Variants in ZNF225 observed in about 807,000 individuals in gnomAD.
ZNF225 encodes the protein zinc finger protein 225.
A neutral mutation model predicts 12.0 loss-of-function variants in ZNF225; 6 were observed. The ratio of observed to expected loss-of-function variants is 0.50; its 90% CI spans 0.27 to 0.98. The LOEUF (loss-of-function observed/expected upper bound fraction) is 0.98. Ranked by LOEUF, ZNF225 falls within the 50% of genes least tolerant of loss-of-function variation. The probability of loss-of-function intolerance (pLI) is 0.11; values close to 1 mark genes in which losing one functional copy is unlikely to be tolerated. For synonymous variants in ZNF225, 271 were observed against 283.2 expected (o/e 0.96, Z 0.43); for missense variants, 763 against 848.2 (o/e 0.90, Z 1.25).
intron 3 of ZNF225, 44 bp downstream of exon 3, chr19:44,118,358 T>C (rs1967986078): frequency 1.9e-6 from 3 of 1,609,152 alleles, no homozygotes; most frequent in African/African-American, 1.3e-5. Flanking sequence ...GGACCAGGAG[T>C]GGCTTTGTAT....
At chr19:44,126,873 G>A (rs190542638) in intron 4 of ZNF225, among the ~76,000 whole-genome samples, 83 of 152,260 alleles carry the variant, frequency 5.5e-4, no homozygotes, top group Non-Finnish European at 9.7e-4. Context: ...CCAAAGGGCC[G>A]GTCTCACTCC....
intron 1 of ZNF225, 158 bp from the exon 2 acceptor site, chr19:44,115,602 G>A (rs549233384): frequency 5.7e-5 from 26 of 452,342 alleles, no homozygotes; most frequent in Middle Eastern, 1.1e-3. Context: ...ATCCATGTAC[G>A]CATAGGAGGG....
intron 4 of ZNF225, chr19:44,129,195 A>C: frequency 1.1e-6 from 1 of 919,994 alleles, no homozygotes; most frequent in South Asian, 5.7e-5. Flanking sequence ...GTAGACATAA[A>C]TACTCCTAGG....
rs1968289462 is a variant in ZNF225, at chr19:44,132,275, A to G, written c.1661A>G (p.Asn554Ser). The change falls in exon 5 of 5, where the codon AAT becomes AGT. Residue 554 changes from asparagine to serine, a missense_variant. Transcript: ENST00000262894. Reference sequence around the variant, plus strand: ...GGGAAGGGCTTCAACAGTAAGTTTAATCTTGACATGCACCAGAGGGTCCAC... The same window carrying G: ...GGGAAGGGCTTCAACAGTAAGTTTAGTCTTGACATGCACCAGAGGGTCCAC... ...ECGKGFNSKFNLDMHQRVHTG... is the reference protein window; with the variant it reads ...ECGKGFNSKFSLDMHQRVHTG... 1 of 1,613,794 alleles carries G rather than the reference A, an allele frequency of 6.2e-7. No homozygotes were observed. Among genetic ancestry groups the G allele is most frequent in the Admixed American group, 1.7e-5 (1 of 59,976 alleles).
chr19:44,123,491 G>T (rs1369839067), intron 4 of ZNF225, among the ~76,000 whole-genome samples: 1 of 152,040 alleles, frequency 6.6e-6, no homozygotes, highest in African/African-American at 2.4e-5. Flanking sequence ...TGGTATTAGG[G>T]TGATGCTGGT....
Position 44,131,357 on chromosome 19 carries a change from A to C in ZNF225, c.743A>C (p.Tyr248Ser). 6.2e-7 allele frequency: 1 copy of C among 1,614,198 alleles called. No homozygotes were observed. The highest frequency in any genetic ancestry group is 8.5e-7 in the Non-Finnish European group (1 of 1,180,026). ...GGCTTTAGTCGTAGATCAGGACTTT[A>C]TGTTCATCGTAAATTACACACAGGA... ...GKGFSRRSGL[Y>S]VHRKLHTGVK... The change falls in exon 5 of 5, where the codon TAT (tyrosine) becomes TCT (serine). Residue 248 changes from tyrosine to serine, a missense_variant. Transcript: ENST00000262894.
At chr19:44,126,383 G>A (rs1568540341) in intron 4 of ZNF225, among the ~76,000 whole-genome samples, 1 of 152,200 alleles carries the variant, frequency 6.6e-6, no homozygotes. Flanking sequence ...AGAGTCCTGT[G>A]ATATGAACTG....
intron 2 of ZNF225, 33 bp downstream of exon 2, chr19:44,115,875 T>C (rs1344274263): frequency 6.2e-7 from 1 of 1,608,666 alleles, no homozygotes; most frequent in Non-Finnish European, 8.5e-7. Context: ...GCTGTTAAAA[T>C]TTCTTTTATG....
At chr19:44,130,584 G>A in intron 4 of ZNF225, 1 of 298,348 alleles carries the variant, frequency 3.4e-6, no homozygotes, top group East Asian at 6.6e-5. Context: ...TATAGTCCCA[G>A]CTACTGAGGA....
Position 44,132,552 on chromosome 19 carries a change from C to T in ZNF225, c.1938C>T (p.His646=). The change falls in exon 5 of 5, where the codon CAC becomes CAT. Residue 646 remains histidine, a synonymous_variant. Coordinates refer to ENST00000262894, the MANE Select transcript of ZNF225 (RefSeq NM_013362.4). Reference sequence around the variant, plus strand: ...CTCATCTAACCCATCAGAGACTCCACAGTAGAGAAAAACTACTTCAATGTG... The same window carrying T: ...CTCATCTAACCCATCAGAGACTCCATAGTAGAGAAAAACTACTTCAATGTG... The part of the protein sequence containing the change: ...ASTHLTHQRL[H]SREKLLQCED... 6.2e-7 allele frequency: 1 copy of T among 1,614,136 alleles called. No individual in the cohort carries two copies. Among genetic ancestry groups the T allele is most frequent in the South Asian group, 1.1e-5 (1 of 91,080 alleles).
At position 44,132,714 on chromosome 19, in the gene ZNF225, A is replaced by G. The variant is rs369519110; in HGVS notation, c.2100A>G (p.Ser700=). ...GCTTGAATCTTGATACGCTTTTGTCATTATTTTTAAATGACACATAACTGT... is the reference window on the plus strand; with the variant it reads ...GCTTGAATCTTGATACGCTTTTGTCGTTATTTTTAAATGACACATAACTGT... ...KRRLNLDTLL[S]LFLNDT The change falls in exon 5 of 5, where the codon TCA becomes TCG. Residue 700 remains serine, a synonymous_variant. Coordinates refer to ENST00000262894, the MANE Select transcript of ZNF225 (RefSeq NM_013362.4). The G allele has an allele frequency of 6.9e-6, 11 of 1,600,678 alleles. No individual in the cohort carries two copies. In the African/African-American group the frequency reaches 1.2e-4, roughly 18 times the overall value.
At chr19:44,112,104 G>A (rs1033868461), upstream of ZNF225, 1 of 152,156 alleles carries the variant, frequency 6.6e-6, no homozygotes, top group African/African-American at 2.4e-5. Flanking sequence ...TTTACATAGG[G>A]GTCATAGATT....
At chr19:44,113,363 G>T (rs549173716), upstream of ZNF225, 1 of 152,040 alleles carries the variant, frequency 6.6e-6, no homozygotes, top group African/African-American at 2.4e-5. Context: ...CGGTCAGTTT[G>T]TCTCAGGAAT....
rs74478862 is a variant in ZNF225 at position 44,116,825 on chromosome 19, C to T, written c.15+983C>T. On this transcript the variant is annotated intron_variant, in intron 2 of 4. Transcript: ENST00000262894. ...GGTTATGGTAAGACAAATCAGTGTA[C>T]ACGTATCCTCTTGAAAGATTAGGGT... 7.0e-4 allele frequency among the ~76,000 whole-genome samples: 107 copies of T among 152,214 alleles called. 1 individual carries two copies. In the East Asian group the frequency reaches 0.019, roughly 26 times the overall value.
At chr19:44,118,430 A>AT in intron 3 of ZNF225, 52 bp from the exon 4 acceptor site, 1 of 1,611,584 alleles carries the variant, frequency 6.2e-7, no homozygotes, top group Non-Finnish European at 8.5e-7. Flanking sequence ...TTTTACTTAG[A>AT]TTTTTTTCTA....
chr19:44,130,898 A>G lies in ZNF225; in HGVS notation c.284A>G (p.His95Arg), dbSNP rs769520723. ...EMETVSESGT[H>R]EGLFSHQTWE... ...GAGACTGTTTCAGAATCAGGAACACATGAAGGCTTGTTCAGTCATCAAACC... is the reference window on the plus strand; with the variant it reads ...GAGACTGTTTCAGAATCAGGAACACGTGAAGGCTTGTTCAGTCATCAAACC... Residue 95 changes from histidine to arginine, a missense_variant, in exon 5 of 5, where the codon CAT (histidine) becomes CGT (arginine). Physicochemically the swap from His to Arg is conservative, Grantham distance 29 (BLOSUM62 0). Coordinates refer to ENST00000262894, the MANE Select transcript of ZNF225 (RefSeq NM_013362.4). 9 of 1,613,922 alleles carry G rather than the reference A, an allele frequency of 5.6e-6. No individual in the cohort carries two copies. The highest frequency in any genetic ancestry group is 4.0e-5 in the African/African-American group (3 of 74,902).
intron 4 of ZNF225, among the ~76,000 whole-genome samples, chr19:44,119,616 G>A (rs577916186): frequency 1.7e-4 from 26 of 152,224 alleles, no homozygotes; most frequent in African/African-American, 5.5e-4. Flanking sequence ...TTGTAATTGT[G>A]TTGGTTACCC....
intron 1 of ZNF225, chr19:44,114,336 AAGAT>A: frequency 2.3e-6 from 1 of 441,912 alleles, no homozygotes; most frequent in Non-Finnish European, 4.1e-6. Flanking sequence ...TTAATCTTGA[AAGAT>A]AGCATAGCTT....
Position 44,132,036 on chromosome 19 carries a change from T to C in ZNF225, c.1422T>C (p.His474=), listed in dbSNP as rs1968276409. 3 of 1,613,408 alleles carry C rather than the reference T, an allele frequency of 1.9e-6. No individual in the cohort carries two copies. In the African/African-American group the frequency reaches 4.0e-5, roughly 22 times the overall value. ...GCTGGGCCTCGTGTCTTTTGAATCA[T>C]CAGAGAATCCACAGTGGAGAAAAAC... The part of the protein sequence containing the change: ...SFGWASCLLN[H]QRIHSGEKPF... The change falls in exon 5 of 5, where the codon CAT becomes CAC. Residue 474 remains histidine, a synonymous_variant. Transcript: ENST00000262894.
Sources: gnomAD v4.1 joint callset for allele counts (sites outside exome capture counted in the v4.1 genomes callset) on GRCh38, gnomAD v4.1.1 for gene constraint, MANE v1.5 for transcripts, NCBI Gene and HGNC (gene_info 2026-07-23, HGNC 2026-07-21) for gene names.